Variants in STYXL2 observed in about 807,000 individuals in gnomAD.
STYXL2 encodes the protein serine/threonine/tyrosine interacting like 2.
A neutral mutation model predicts 52.4 loss-of-function variants in STYXL2; 44 were observed. That is an observed-to-expected ratio of 0.84 (90% CI 0.66 to 1.08). The LOEUF (loss-of-function observed/expected upper bound fraction) is 1.08. Among genes scored for constraint, STYXL2 ranks in the 50% least tolerant of loss-of-function variants. The pLI is 0.00. For missense variants in STYXL2, 1,604 were observed against 1,471.7 expected, an observed-to-expected ratio of 1.09 and a Z score of -1.47; for synonymous variants, 604 against 586.9, an observed-to-expected ratio of 1.03 and a Z score of -0.42.
In STYXL2 at chr1:167,127,675, G is replaced by A. The variant is rs1374395794; in HGVS notation, c.2544G>A (p.Arg848=). 2 of 1,614,122 alleles carry A rather than the reference G, an allele frequency of 1.2e-6. No individual in the cohort carries two copies. Among genetic ancestry groups the A allele is most frequent in the South Asian group, 2.2e-5 (2 of 91,082 alleles). ...RKEKEMQMEL[R]EKMSEYKMEK... ...AGAAGGAGATGCAGATGGAGCTTAG[G>A]GAGAAGATGTCTGAGTACAAAATGG... Residue 848 remains arginine (R), a synonymous_variant, in exon 6 of 6, where the codon AGG becomes AGA. Transcript: ENST00000361200.
rs547241120 is a variant in STYXL2 at position 167,128,687 on chromosome 1, C to T, written c.*79C>T. The stretch of plus-strand genomic sequence containing the variant: ...CAGGGCACACGTTGCCACCACTCAT[C>T]GCAGGATGAGGATACAGAGAGGATC... On this transcript the variant is annotated 3_prime_UTR_variant, in exon 6 of 6. Transcript: ENST00000361200. 16 of 1,492,994 alleles carry T rather than the reference C, an allele frequency of 1.1e-5. No individual in the cohort carries two copies. In the Admixed American group the frequency reaches 1.2e-4, roughly 11 times the overall value. 92.5% of individuals were successfully genotyped at this position (1,492,994 alleles called of 1,614,324 possible).
rs193041214 is a variant in STYXL2 at position 167,128,751 on chromosome 1, T to A, written c.*143T>A. ...GAGCCAAAATGAGAGGTACCAAGCA[T>A]AAGGGCAGCAGAGGTGGAGTAGGGA... is the stretch of plus-strand genomic sequence containing the variant. On this transcript the variant is annotated 3_prime_UTR_variant, in exon 6 of 6. Coordinates refer to ENST00000361200, the MANE Select transcript of STYXL2 (RefSeq NM_001080426.3). 11 of 1,357,932 alleles carry A rather than the reference T, an allele frequency of 8.1e-6. 1 individual carries two copies. In the Admixed American group the frequency reaches 2.6e-4, roughly 32 times the overall value. 84.1% of individuals were successfully genotyped at this position (1,357,932 alleles called of 1,614,324 possible).
intron 5 of STYXL2, among the ~76,000 whole-genome samples, chr1:167,119,998 G>A (rs1667817098): frequency 6.6e-6 from 1 of 152,202 alleles, no homozygotes; most frequent in Non-Finnish European, 1.5e-5. Context: ...GGCCAGTGTC[G>A]ATGAGCATGG....
intron 1 of STYXL2, 89 bp downstream of exon 1, chr1:167,094,283 A>G (rs10918625): frequency 0.36 from 56,585 of 156,082 alleles, 10,830 homozygotes; most frequent in African/African-American, 0.47. Flanking sequence ...TCAGGGCACA[A>G]CCATGATGGC....
At chr1:167,103,314 AC>A (rs201962764) in intron 2 of STYXL2, among the ~76,000 whole-genome samples, 2,782 of 152,308 alleles carry the variant, frequency 0.018, 34 homozygotes, top group Admixed American at 0.032. Context: ...TTTGGAGGGC[AC>A]CGTTCAACTC....
At chr1:167,113,856 C>A (rs914883094) in intron 3 of STYXL2, 52 bp downstream of exon 3, 1 of 1,397,062 alleles carries the variant, frequency 7.2e-7, no homozygotes, top group Non-Finnish European at 1.0e-6. Context: ...CATCTGGAGA[C>A]CCTTAGAGGG....
At chr1:167,101,349 G>T (rs965336030) in intron 2 of STYXL2, among the ~76,000 whole-genome samples, 10 of 152,168 alleles carry the variant, frequency 6.6e-5, no homozygotes, top group Admixed American at 6.5e-4. Context: ...AAAATGTAGA[G>T]TACTTGGGAC....
chr1:167,094,941 G>T lies in STYXL2; in HGVS notation c.92G>T (p.Arg31Leu), dbSNP rs370798677. The T allele has an allele frequency of 6.2e-7, 1 of 1,606,364 alleles. No homozygotes were observed. The highest frequency in any genetic ancestry group is 1.1e-5 in the South Asian group (1 of 89,238). ...NVRAVQAHYL[R>L]SPSPSQYSMV... ...AGGGCGGTGCAGGCCCACTACCTCC[G>T]AAGCCCCTCCCCTAGCCAGTAAGTG... is the stretch of plus-strand genomic sequence containing the variant. Residue 31 changes from arginine to leucine, a missense_variant, in exon 2 of 6, where the codon CGA becomes CTA. Physicochemically the swap from Arg to Leu is moderately radical, Grantham distance 102. Coordinates refer to ENST00000361200, the MANE Select transcript of STYXL2 (RefSeq NM_001080426.3).
At chr1:167,122,267 A>G (rs1386014668) in intron 5 of STYXL2, among the ~76,000 whole-genome samples, 1 of 152,100 alleles carries the variant, frequency 6.6e-6, no homozygotes, top group Non-Finnish European at 1.5e-5. Flanking sequence ...GGAGCCTGGC[A>G]CGCCGGGCAG....
At position 167,128,247 on chromosome 1, in the gene STYXL2, C is replaced by A. The variant is rs960055384; in HGVS notation, c.3116C>A (p.Pro1039His). 8.7e-6 allele frequency: 14 copies of A among 1,614,170 alleles called. No homozygotes were observed. Among genetic ancestry groups the A allele is most frequent in the East Asian group, 2.2e-5 (1 of 44,866 alleles). Reference protein sequence around the residue: ...TSSSREESPEPYFFRRTPESS... With the variant: ...TSSSREESPEHYFFRRTPESS... ...AGTTCCCGAGAGGAGAGCCCAGAGCCCTACTTCTTCCGCCGGACCCCAGAG... is the reference window on the plus strand; with the variant it reads ...AGTTCCCGAGAGGAGAGCCCAGAGCACTACTTCTTCCGCCGGACCCCAGAG... Residue 1039 changes from proline to histidine, a missense_variant, in exon 6 of 6, where the codon CCC becomes CAC. By Grantham distance (77) the Pro-to-His change is moderately conservative. Coordinates refer to ENST00000361200, the MANE Select transcript of STYXL2 (RefSeq NM_001080426.3).
At chr1:167,098,480 A>T (rs926304846) in intron 2 of STYXL2, among the ~76,000 whole-genome samples, 1 of 152,192 alleles carries the variant, frequency 6.6e-6, no homozygotes, top group Non-Finnish European at 1.5e-5. Context: ...TGTCTCAAAA[A>T]ATAAAATAAG....
Position 167,128,711 on chromosome 1 carries a change from T to C in STYXL2, c.*103T>C. On this transcript the variant is annotated 3_prime_UTR_variant, in exon 6 of 6. Coordinates refer to ENST00000361200, the MANE Select transcript of STYXL2 (RefSeq NM_001080426.3). ...TCGCAGGATGAGGATACAGAGAGGA[T>C]CTTCCAGAGGGGCAGAGCCAAAATG... 1 of 1,454,138 alleles carries C rather than the reference T, an allele frequency of 6.9e-7. No individual in the cohort carries two copies. The allele number at this position is 1,454,138 out of a possible 1,614,324, so 90.1% of individuals were successfully genotyped here. A position where few individuals can be genotyped will look rare whatever the true frequency, so the allele number is the denominator to read the frequency against.
In STYXL2 at chr1:167,128,549, G is replaced by A; in HGVS notation, c.3418G>A (p.Ala1140Thr). 1 of 1,613,848 alleles carries A rather than the reference G, an allele frequency of 6.2e-7. No individual in the cohort carries two copies. Among genetic ancestry groups the A allele is most frequent in the Non-Finnish European group, 8.5e-7 (1 of 1,179,992 alleles). ...EEMDDEAIIA[A>T]WRRRQEETRT... ...AATGGACGATGAAGCCATCATTGCT[G>A]CTTGGAGACGCCGGCAAGAAGAAAC... The change falls in exon 6 of 6, where the codon GCT (alanine) becomes ACT (threonine). Residue 1140 changes from alanine (A) to threonine (T), a missense_variant. Coordinates refer to ENST00000361200, the MANE Select transcript of STYXL2 (RefSeq NM_001080426.3).
At chr1:167,107,320 C>A (rs999435083) in intron 2 of STYXL2, among the ~76,000 whole-genome samples, 4 of 152,196 alleles carry the variant, frequency 2.6e-5, no homozygotes, top group African/African-American at 9.6e-5. Flanking sequence ...AGAGTAGTCA[C>A]AGAGACTACC....
At chr1:167,095,022 G>T in intron 2 of STYXL2, 63 bp downstream of exon 2, 1 of 1,292,234 alleles carries the variant, frequency 7.7e-7, no homozygotes, top group Non-Finnish European at 1.1e-6. Context: ...GACAGGTTGG[G>T]CCATTAGCTC....
rs778659969 is a variant in STYXL2 at position 167,128,242 on chromosome 1, A to G, written c.3111A>G (p.Pro1037=). The stretch of plus-strand genomic sequence containing the variant: ...CCTCAAGTTCCCGAGAGGAGAGCCC[A>G]GAGCCCTACTTCTTCCGCCGGACCC... ...NETSSSREES[P]EPYFFRRTPE... Residue 1037 remains proline, a synonymous_variant, in exon 6 of 6, where the codon CCA becomes CCG. Transcript: ENST00000361200. 1 of 1,614,186 alleles carries G rather than the reference A, an allele frequency of 6.2e-7. No individual in the cohort carries two copies. Among genetic ancestry groups the G allele is most frequent in the Non-Finnish European group, 8.5e-7 (1 of 1,180,024 alleles).
intron 5 of STYXL2, among the ~76,000 whole-genome samples, chr1:167,120,445 A>G (rs928744364): frequency 6.6e-5 from 10 of 152,164 alleles, no homozygotes; most frequent in Non-Finnish European, 1.5e-4. Context: ...ACGTTTTAAA[A>G]ATGCATATAA....
intron 2 of STYXL2, among the ~76,000 whole-genome samples, chr1:167,104,002 C>T (rs1434796639): frequency 1.3e-5 from 2 of 152,002 alleles, no homozygotes; most frequent in African/African-American, 4.8e-5. Flanking sequence ...CGCCTGTAAT[C>T]CCAGCTGCTC....
rs1474710215 is a variant in STYXL2, at chr1:167,119,561, G to A, written c.655+95G>A. The stretch of plus-strand genomic sequence containing the variant: ...AAACCTGATTAGTTGGCGTGTGTGA[G>A]GGGTATCTGTCTTAAGAAGGCTGTT... On this transcript the variant is annotated intron_variant, in intron 5 of 5. Coordinates refer to ENST00000361200, the MANE Select transcript of STYXL2 (RefSeq NM_001080426.3). 3 of 1,056,266 alleles carry A rather than the reference G, an allele frequency of 2.8e-6. 1 individual carries two copies. The South Asian group carries it at 4.3e-5, about 15-fold the overall frequency. The allele number at this position is 1,056,266 out of a possible 1,614,324, so 65.4% of individuals were successfully genotyped here. A position where few individuals can be genotyped will look rare whatever the true frequency, so the allele number is the denominator to read the frequency against.
Sources: allele counts gnomAD v4.1 joint callset (sites outside exome capture counted in the v4.1 genomes callset), GRCh38; gene constraint gnomAD v4.1.1; transcripts MANE v1.5; gene names NCBI Gene and HGNC (gene_info 2026-07-23, HGNC 2026-07-21).